The following PPM1A variants were observed in gnomAD, a reference collection of about 807,000 sequenced individuals.
The protein encoded by PPM1A is protein phosphatase, Mg2+/Mn2+ dependent 1A.
In PPM1A, 7 loss-of-function variants were observed where a neutral mutation model predicts 35.0. The ratio of observed to expected loss-of-function variants is 0.20; its 90% confidence interval spans 0.11 to 0.38. The LOEUF (loss-of-function observed/expected upper bound fraction) is 0.38. PPM1A is among the 10% of genes least tolerant of loss of function. The pLI is 1.00. For missense variants in PPM1A, 239 were observed against 467.8 expected (o/e 0.51, Z 4.51); for synonymous variants, 153 against 167.3 (o/e 0.91, Z 0.66).
Position 60,298,442 on chromosome 14 carries a change from T to A in PPM1A, c.*5960T>A, listed in dbSNP as rs911871068. 1.3e-5 allele frequency: 2 copies of A among 151,768 alleles called. No homozygotes were observed. The highest frequency in any genetic ancestry group is 4.8e-5 in the African/African-American group (2 of 41,414). 9.4% of individuals were successfully genotyped at this position (151,768 alleles called of 1,614,324 possible). A position where few individuals can be genotyped will look rare whatever the true frequency, so the allele number is the denominator to read the frequency against. ...ACCAATGCACACAGTTAATGAGATT[T>A]CTAAAATATAATAAGTACAATGTAA... On this transcript the variant is annotated 3_prime_UTR_variant, in exon 6 of 6. Transcript: ENST00000395076.
At chr14:60,246,183 C>T (rs1881775730), upstream of PPM1A, 1 of 848,508 alleles carries the variant, frequency 1.2e-6, no homozygotes, top group Non-Finnish European at 1.8e-6. Context: ...ATTTACATTA[C>T]TGCATATATT....
chr14:60,287,196 C>CT (rs1290935895), intron 3 of PPM1A: 6 of 945,322 alleles, frequency 6.3e-6, no homozygotes, highest in Non-Finnish European at 7.6e-6. Flanking sequence ...AGTGTGTACA[C>CT]TTTAAGTTTT....
intron 1 of PPM1A, among the ~76,000 whole-genome samples, chr14:60,255,152 A>G (rs1882907398): frequency 7.0e-6 from 1 of 142,414 alleles, no homozygotes; most frequent in Non-Finnish European, 1.5e-5. Context: ...TATTATTTCT[A>G]TCATATGTTT....
Position 60,298,171 on chromosome 14 carries a change from A to G in PPM1A, c.*5689A>G, listed in dbSNP as rs1409978932. ...CTTTCTCTAAGATTTGCCACTTTAG[A>G]AATTCAACAGAAAAGAGGTAAAACA... On this transcript the variant is annotated 3_prime_UTR_variant, in exon 6 of 6. Coordinates refer to ENST00000395076, the MANE Select transcript of PPM1A (RefSeq NM_021003.5). 1 of 151,740 alleles carries G rather than the reference A, an allele frequency of 6.6e-6. No homozygotes were observed. Among genetic ancestry groups the G allele is most frequent in the Non-Finnish European group, 1.5e-5 (1 of 67,708 alleles). The allele number at this position is 151,740 out of a possible 1,614,324, so 9.4% of individuals were successfully genotyped here.
intron 1 of PPM1A, among the ~76,000 whole-genome samples, chr14:60,257,786 T>A (rs1246199230): frequency 6.6e-6 from 1 of 151,932 alleles, no homozygotes; most frequent in Non-Finnish European, 1.5e-5. Flanking sequence ...AATGAAAATG[T>A]GAATGATAAA....
intron 1 of PPM1A, among the ~76,000 whole-genome samples, chr14:60,272,650 C>T (rs753669324): frequency 4.1e-5 from 6 of 145,052 alleles, no homozygotes; most frequent in African/African-American, 1.0e-4. Flanking sequence ...AAGATCATGC[C>T]GCCACATCCC....
rs1308275669 is a variant in PPM1A, at chr14:60,249,990, C to T, written c.-21+313C>T. On this transcript the variant is annotated intron_variant, in intron 1 of 5. Transcript: ENST00000395076. This position sits in a 1 kb window ranked among gnomAD's most constrained non-coding sequence, Gnocchi z 4.5. ...GTGTTTGTGGCGGCGAAGCAGGCGACGGCCGCAGGCCGGCCTGGCCGGAGA... is the reference window on the plus strand; with the variant it reads ...GTGTTTGTGGCGGCGAAGCAGGCGATGGCCGCAGGCCGGCCTGGCCGGAGA... 2.0e-5 allele frequency among the ~76,000 whole-genome samples: 3 copies of T among 151,468 alleles called. No homozygotes were observed. Among genetic ancestry groups the T allele is most frequent in the Non-Finnish European group, 4.4e-5 (3 of 67,754 alleles).
At chr14:60,252,268 GATTA>G (rs1221837567) in intron 1 of PPM1A, among the ~76,000 whole-genome samples, 3 of 152,158 alleles carry the variant, frequency 2.0e-5, no homozygotes, top group Non-Finnish European at 2.9e-5. Context: ...ATGAGAGCTG[GATTA>G]ATTTTTTAAG....
rs1887894986 is a variant in PPM1A at position 60,294,338 on chromosome 14, T to C, written c.*1856T>C. Reference sequence around the variant, plus strand: ...TGAATGAGGAAAAACTGAAGTACTATTTATATTTAGAAATTCATATCAGTT... The same window carrying C: ...TGAATGAGGAAAAACTGAAGTACTACTTATATTTAGAAATTCATATCAGTT... On this transcript the variant is annotated 3_prime_UTR_variant, in exon 6 of 6. Coordinates refer to ENST00000395076, the MANE Select transcript of PPM1A (RefSeq NM_021003.5). 1 of 151,896 alleles carries C rather than the reference T, an allele frequency of 6.6e-6. No individual in the cohort carries two copies. The highest frequency in any genetic ancestry group is 2.4e-5 in the African/African-American group (1 of 41,408). The allele number at this position is 151,896 out of a possible 1,614,324, so 9.4% of individuals were successfully genotyped here.
chr14:60,295,156 T>C lies in PPM1A; in HGVS notation c.*2674T>C, dbSNP rs1369536985. 1 of 151,822 alleles carries C rather than the reference T, an allele frequency of 6.6e-6. No homozygotes were observed. Among genetic ancestry groups the C allele is most frequent in the Non-Finnish European group, 1.5e-5 (1 of 67,780 alleles). The allele number at this position is 151,822 out of a possible 1,614,324, so 9.4% of individuals were successfully genotyped here. On this transcript the variant is annotated 3_prime_UTR_variant, in exon 6 of 6. Transcript: ENST00000395076. ...TGATAATATAGTACTCAAAATATAC[T>C]TTTATCATTTAAATGTCTTATTTGC...
upstream of PPM1A, chr14:60,246,157 GC>G: frequency 1.9e-6 from 2 of 1,037,658 alleles, no homozygotes; most frequent in Non-Finnish European, 2.7e-6. Context: ...TCAAATACTA[GC>G]CTCCTGAGGG....
At chr14:60,252,300 T>G (rs539556785) in intron 1 of PPM1A, among the ~76,000 whole-genome samples, 91 of 152,344 alleles carry the variant, frequency 6.0e-4, no homozygotes, top group African/African-American at 2.1e-3. Flanking sequence ...TCTATGCTCA[T>G]GTAGAAATAA....
chr14:60,246,445 T>G (rs1881788651), upstream of PPM1A, among the ~76,000 whole-genome samples: 1 of 152,186 alleles, frequency 6.6e-6, no homozygotes, highest in Non-Finnish European at 1.5e-5. Context: ...CTTTGTTAAT[T>G]GAAATATAAA....
At chr14:60,268,919 T>C (rs1010878501) in intron 1 of PPM1A, among the ~76,000 whole-genome samples, 1 of 151,698 alleles carries the variant, frequency 6.6e-6, no homozygotes, top group African/African-American at 2.4e-5. Flanking sequence ...AATTCAGATG[T>C]GTCATTTCAT....
At chr14:60,290,812 G>A (rs1366480887) in intron 4 of PPM1A, among the ~76,000 whole-genome samples, 1 of 151,774 alleles carries the variant, frequency 6.6e-6, no homozygotes, top group Non-Finnish European at 1.5e-5. Context: ...TCTATGAAAC[G>A]ATCTATAAAA....
chr14:60,252,583 A>C (rs1362945678), intron 1 of PPM1A, among the ~76,000 whole-genome samples: 2 of 152,206 alleles, frequency 1.3e-5, no homozygotes, highest in Non-Finnish European at 2.9e-5. Flanking sequence ...TCCTCTAAGT[A>C]ATTTTATGTC....
At chr14:60,285,992 TA>T in intron 3 of PPM1A, 1 of 1,123,070 alleles carries the variant, frequency 8.9e-7, no homozygotes, top group Non-Finnish European at 1.1e-6. Flanking sequence ...TTTAAAAGGC[TA>T]AAATGTTTGT....
At chr14:60,291,559 A>C in intron 5 of PPM1A, 105 bp downstream of exon 5, 1 of 824,084 alleles carries the variant, frequency 1.2e-6, no homozygotes, top group Non-Finnish European at 1.8e-6. Flanking sequence ...ATTCTCTTAC[A>C]CACACCCCTG....
chr14:60,248,481 C>G (rs1309888842), upstream of PPM1A, among the ~76,000 whole-genome samples: 1 of 152,242 alleles, frequency 6.6e-6, no homozygotes, highest in Non-Finnish European at 1.5e-5. Flanking sequence ...TGCACTCGCA[C>G]ATTGGTGGGC....
Sources: allele counts gnomAD v4.1 joint callset (sites outside exome capture counted in the v4.1 genomes callset), GRCh38; gene constraint gnomAD v4.1.1; non-coding constraint Gnocchi (gnomAD v3.1); transcripts MANE v1.5; gene names NCBI Gene and HGNC (gene_info 2026-07-23, HGNC 2026-07-21).